Variants in ENOPH1 observed in about 807,000 individuals in gnomAD.
The protein encoded by ENOPH1 is enolase-phosphatase E1.
Under a neutral mutation model 31.1 loss-of-function variants are expected in ENOPH1, and 14 were observed. The observed-to-expected ratio is 0.45, with a 90% CI of 0.30 to 0.70. The LOEUF is 0.70. Ranked by LOEUF, ENOPH1 falls within the 30% of genes least tolerant of loss-of-function variation. The pLI, the probability that ENOPH1 is intolerant of heterozygous loss-of-function variation, is 0.09. For missense variants in ENOPH1, 243 were observed against 321.5 expected, an observed-to-expected ratio of 0.76 and a Z score of 1.87; for synonymous variants, 127 against 123.2, an observed-to-expected ratio of 1.03 and a Z score of -0.21.
At chr4:82,434,482 G>A (rs550947323) in intron 1 of ENOPH1, among the ~76,000 whole-genome samples, 21 of 152,204 alleles carry the variant, frequency 1.4e-4, no homozygotes, top group Middle Eastern at 3.4e-3. Flanking sequence ...GGGAGGCCGA[G>A]ACAGGTGGAT....
rs768219181 is a variant in ENOPH1 at position 82,460,113 on chromosome 4, C to T, written c.779C>T (p.Ser260Leu). ...TSFSELYLPS[S>L]T Reference sequence around the variant, plus strand: ...TTCAGTGAACTATACCTGCCTTCCTCAACCTAGAGAAGGGTTGTTAAGGCA... The same window carrying T: ...TTCAGTGAACTATACCTGCCTTCCTTAACCTAGAGAAGGGTTGTTAAGGCA... The change falls in exon 6 of 6, where the codon TCA becomes TTA. Residue 260 changes from serine (S) to leucine (L), a missense_variant. Coordinates refer to ENST00000273920, the MANE Select transcript of ENOPH1 (RefSeq NM_021204.5). The T allele has an allele frequency of 1.9e-6, 3 of 1,614,212 alleles. No individual in the cohort carries two copies. The highest frequency in any genetic ancestry group is 2.5e-6 in the Non-Finnish European group (3 of 1,180,032).
intron 3 of ENOPH1, among the ~76,000 whole-genome samples, chr4:82,453,976 T>TG: frequency 6.7e-6 from 1 of 148,382 alleles, no homozygotes; most frequent in Non-Finnish European, 1.5e-5. Flanking sequence ...GAGGCTGAAG[T>TG]GGGGGGATCA....
At chr4:82,457,935 G>A (rs1361696792) in intron 5 of ENOPH1, among the ~76,000 whole-genome samples, 1 of 152,192 alleles carries the variant, frequency 6.6e-6, no homozygotes, top group East Asian at 1.9e-4. Flanking sequence ...CATTTCCTCA[G>A]TTGCAATTGT....
chr4:82,458,178 TC>T (rs1478169177), intron 5 of ENOPH1, among the ~76,000 whole-genome samples: 1 of 152,124 alleles, frequency 6.6e-6, no homozygotes, highest in Non-Finnish European at 1.5e-5. Context: ...TGCCCAGACT[TC>T]CACTGCTGAG....
intron 2 of ENOPH1, among the ~76,000 whole-genome samples, chr4:82,448,347 G>A (rs997607687): frequency 2.6e-5 from 4 of 150,990 alleles, no homozygotes; most frequent in Non-Finnish European, 2.9e-5. Flanking sequence ...CTGCAACCTC[G>A]CTTACTGGGT....
intron 1 of ENOPH1, among the ~76,000 whole-genome samples, chr4:82,444,956 G>A (rs778590504): frequency 6.6e-6 from 1 of 152,208 alleles, no homozygotes; most frequent in Non-Finnish European, 1.5e-5. Flanking sequence ...TGTGGTTTAT[G>A]CCTGTAATCC....
intron 1 of ENOPH1, among the ~76,000 whole-genome samples, chr4:82,440,489 G>T (rs1028127482): frequency 6.6e-6 from 1 of 152,212 alleles, no homozygotes; most frequent in Non-Finnish European, 1.5e-5. Flanking sequence ...TTGAACCTCA[G>T]TGTCTTCCTC....
chr4:82,430,655 C>T lies in ENOPH1; in HGVS notation c.-175C>T. On this transcript the variant is annotated 5_prime_UTR_variant, in exon 1 of 6. Transcript: ENST00000273920. Reference sequence around the variant, plus strand: ...TCCTGGGCGGCCGCCTTTTCCAGTTCCAGGTGTGCAGAAGTGTCCTCTCCC... The same window carrying T: ...TCCTGGGCGGCCGCCTTTTCCAGTTTCAGGTGTGCAGAAGTGTCCTCTCCC... 1 of 594,414 alleles carries T rather than the reference C, an allele frequency of 1.7e-6. No individual in the cohort carries two copies. The allele number at this position is 594,414 out of a possible 1,614,324, so 36.8% of individuals were successfully genotyped here. A position where few individuals can be genotyped will look rare whatever the true frequency, so the allele number is the denominator to read the frequency against.
intron 1 of ENOPH1, among the ~76,000 whole-genome samples, chr4:82,443,354 C>T (rs543298318): frequency 6.6e-6 from 1 of 151,912 alleles, no homozygotes; most frequent in Admixed American, 6.6e-5. Context: ...GGGAGGATCA[C>T]CTGAGCCCAG....
chr4:82,444,182 T>G (rs1230699874), intron 1 of ENOPH1, among the ~76,000 whole-genome samples: 2 of 152,104 alleles, frequency 1.3e-5, no homozygotes, highest in African/African-American at 2.4e-5. Context: ...GCCAGAAAGC[T>G]TTTAAAGTAG....
chr4:82,453,186 G>GC (rs1469624103), intron 3 of ENOPH1, among the ~76,000 whole-genome samples: 5 of 152,224 alleles, frequency 3.3e-5, no homozygotes, highest in African/African-American at 1.2e-4. Flanking sequence ...ACAGGTGTGA[G>GC]CCACTGCACC....
intron 1 of ENOPH1, among the ~76,000 whole-genome samples, chr4:82,432,737 T>A (rs1306478389): frequency 1.3e-5 from 2 of 152,182 alleles, no homozygotes; most frequent in Non-Finnish European, 1.5e-5. Context: ...CTTCCGGGGT[T>A]CAAGCGATTC....
At chr4:82,458,695 T>C (rs1722563452) in intron 5 of ENOPH1, among the ~76,000 whole-genome samples, 1 of 152,188 alleles carries the variant, frequency 6.6e-6, no homozygotes, top group Admixed American at 6.5e-5. Context: ...TGTGATGGCT[T>C]AACTTGGTCA....
intron 1 of ENOPH1, among the ~76,000 whole-genome samples, chr4:82,445,391 T>C (rs1722149680): frequency 6.6e-6 from 1 of 152,242 alleles, no homozygotes; most frequent in African/African-American, 2.4e-5. Flanking sequence ...GTACATACTT[T>C]TATGCAGTAA....
chr4:82,439,540 T>A (rs962786710), intron 1 of ENOPH1, among the ~76,000 whole-genome samples: 2 of 152,188 alleles, frequency 1.3e-5, no homozygotes, highest in Non-Finnish European at 1.5e-5. Flanking sequence ...TTACCCCCGA[T>A]CTGATACTGG....
Position 82,454,865 on chromosome 4 carries a change from T to G in ENOPH1, c.522+11T>G, listed in dbSNP as rs1403841849. ...GGAGATATTCTTGAGGTAGGTTACCTAGTTTACTTTGTTGTTTTGACGCTA... is the reference window on the plus strand; with the variant it reads ...GGAGATATTCTTGAGGTAGGTTACCGAGTTTACTTTGTTGTTTTGACGCTA... On this transcript the variant is annotated intron_variant, in intron 4 of 5. Transcript: ENST00000273920. 1.2e-6 allele frequency: 2 copies of G among 1,608,120 alleles called. No homozygotes were observed. Among genetic ancestry groups the G allele is most frequent in the South Asian group, 1.1e-5 (1 of 89,634 alleles).
chr4:82,457,526 C>T (rs1191447994), intron 5 of ENOPH1, among the ~76,000 whole-genome samples: 2 of 152,070 alleles, frequency 1.3e-5, no homozygotes, highest in Non-Finnish European at 2.9e-5. Flanking sequence ...AAGAATGAAC[C>T]AACTCTGGGG....
intron 1 of ENOPH1, among the ~76,000 whole-genome samples, chr4:82,434,406 A>C (rs1578091635): frequency 6.6e-6 from 1 of 152,196 alleles, no homozygotes; most frequent in East Asian, 1.9e-4. Flanking sequence ...CAACATGGTG[A>C]AAGCCAGTCT....
At chr4:82,453,253 A>G (rs552441431) in intron 3 of ENOPH1, among the ~76,000 whole-genome samples, 1 of 152,314 alleles carries the variant, frequency 6.6e-6, no homozygotes, top group Admixed American at 6.5e-5. Flanking sequence ...CCTAGGATCC[A>G]AGATTGTTTC....
Sources: gnomAD v4.1 joint callset for allele counts (sites outside exome capture counted in the v4.1 genomes callset) on GRCh38, gnomAD v4.1.1 for gene constraint, MANE v1.5 for transcripts, NCBI Gene and HGNC (gene_info 2026-07-23, HGNC 2026-07-21) for gene names.